Variants in STX5 observed in about 807,000 individuals in gnomAD.
STX5 encodes the protein syntaxin 5.
A neutral mutation model predicts 42.9 loss-of-function variants in STX5; 15 were observed. The observed-to-expected ratio is 0.35, with a 90% CI of 0.23 to 0.54. STX5 has a LOEUF of 0.54. Among genes scored for constraint, STX5 ranks in the 20% least tolerant of loss-of-function variants. The probability of loss-of-function intolerance (pLI) is 0.91; values close to 1 mark genes in which losing one functional copy is unlikely to be tolerated. For synonymous variants in STX5, 184 were observed against 173.2 expected, an observed-to-expected ratio of 1.06 and a Z score of -0.49; for missense variants, 430 against 455.0, an observed-to-expected ratio of 0.95 and a Z score of 0.50.
intron 10 of STX5, among the ~76,000 whole-genome samples, chr11:62,811,337 A>G (rs1282369859): frequency 2.6e-5 from 4 of 152,118 alleles, no homozygotes; most frequent in Non-Finnish European, 5.9e-5. Context: ...GCACACCCAG[A>G]ACAAACCTAA....
At chr11:62,809,941 A>T (rs1348344827) in intron 10 of STX5, among the ~76,000 whole-genome samples, 1 of 151,062 alleles carries the variant, frequency 6.6e-6, no homozygotes, top group African/African-American at 2.4e-5. Context: ...GTCTCTACTA[A>T]AAATACAAAA....
At chr11:62,810,222 G>A (rs1478272213) in intron 10 of STX5, among the ~76,000 whole-genome samples, 2 of 152,064 alleles carry the variant, frequency 1.3e-5, no homozygotes, top group African/African-American at 2.4e-5. Context: ...TGGCTGGATT[G>A]CTTGAGTTCA....
Position 62,825,025 on chromosome 11 carries a change from C to T in STX5, c.679+11G>A, listed in dbSNP as rs1421202706. 6.2e-7 allele frequency: 1 copy of T among 1,613,754 alleles called. No homozygotes were observed. The highest frequency in any genetic ancestry group is 1.1e-5 in the South Asian group (1 of 91,082). On this transcript the variant is annotated intron_variant, in intron 8 of 10. Coordinates refer to ENST00000294179, the MANE Select transcript of STX5 (RefSeq NM_003164.5). Reference sequence around the variant, plus strand: ...TACCTCCCAGGGCTCCCCGTTTTACCTGTGACTTACCCAGGTGGTTAGGGG... The same window carrying T: ...TACCTCCCAGGGCTCCCCGTTTTACTTGTGACTTACCCAGGTGGTTAGGGG...
chr11:62,819,962 C>CA (rs1383687566), intron 10 of STX5, among the ~76,000 whole-genome samples: 1 of 151,746 alleles, frequency 6.6e-6, no homozygotes, highest in Non-Finnish European at 1.5e-5. Flanking sequence ...CTCAACCTCC[C>CA]AAAGTGTTAG....
At chr11:62,817,569 A>C (rs1235545566) in intron 10 of STX5, among the ~76,000 whole-genome samples, 5 of 152,232 alleles carry the variant, frequency 3.3e-5, no homozygotes, top group Non-Finnish European at 7.3e-5. Context: ...ATATACAATG[A>C]AACAGGGAAC....
Position 62,823,733 on chromosome 11 carries a change from G to A in STX5, c.908+433C>T, listed in dbSNP as rs565503698. 1.1e-4 allele frequency among the ~76,000 whole-genome samples: 16 copies of A among 152,146 alleles called. No individual in the cohort carries two copies. The East Asian group carries it at 3.1e-3, about 29-fold the overall frequency. Reference sequence around the variant, plus strand: ...GCTAGTTTTTGTATTTTTTTGTAGAGACAGGGTCTTGCTTTGTTGCCCAAA... The same window carrying A: ...GCTAGTTTTTGTATTTTTTTGTAGAAACAGGGTCTTGCTTTGTTGCCCAAA... On this transcript the variant is annotated intron_variant, in intron 10 of 10. Coordinates refer to ENST00000294179, the MANE Select transcript of STX5 (RefSeq NM_003164.5).
rs775803751 is a variant in STX5, at chr11:62,831,119, G to T, written c.125C>A (p.Pro42His). 1.3e-6 allele frequency: 2 copies of T among 1,554,802 alleles called. No individual in the cohort carries two copies. The highest frequency in any genetic ancestry group is 1.7e-6 in the Non-Finnish European group (2 of 1,149,246). ...GGGAGGGACGAGGGTCACTGGGGGG[G>T]GCAGAGGGGCGATGTCGCTGCTGCT... Reference protein sequence around the residue: ...GSSSSDIAPLPPPVTLVPPPP... With the variant: ...GSSSSDIAPLHPPVTLVPPPP... The change falls in exon 2 of 11, where the codon CCC (proline) becomes CAC (histidine). Residue 42 changes from proline to histidine, a missense_variant. Pro to His is a moderately conservative substitution (Grantham distance 77). Transcript: ENST00000294179.
At chr11:62,826,501 G>A (rs1216835060) in intron 5 of STX5, among the ~76,000 whole-genome samples, 1 of 152,112 alleles carries the variant, frequency 6.6e-6, no homozygotes, top group African/African-American at 2.4e-5. Context: ...AGGTTGCAGT[G>A]AGCTGAGATC....
intron 10 of STX5, among the ~76,000 whole-genome samples, chr11:62,821,691 G>C (rs1156488007): frequency 6.7e-6 from 1 of 150,334 alleles, no homozygotes; most frequent in Non-Finnish European, 1.5e-5. Context: ...ACTCCAGCCT[G>C]GACAACAGTG....
chr11:62,827,369 A>C lies in STX5; in HGVS notation c.326T>G (p.Phe109Cys), dbSNP rs764228671. 2.5e-6 allele frequency: 4 copies of C among 1,614,210 alleles called. No individual in the cohort carries two copies. In the South Asian group the frequency reaches 4.4e-5, roughly 18 times the overall value. Reference protein sequence around the residue: ...KRIGKDLSNTFAKLEKLTILA... With the variant: ...KRIGKDLSNTCAKLEKLTILA... ...GATTGTCAGCTTCTCCAGCTTGGCA[A>C]ATGTGTTGCTAAGGTCTTTCCCAAT... The change falls in exon 4 of 11, where the codon TTT (phenylalanine) becomes TGT (cysteine). Residue 109 changes from phenylalanine (F) to cysteine (C), a missense_variant. Coordinates refer to ENST00000294179, the MANE Select transcript of STX5 (RefSeq NM_003164.5).
chr11:62,823,923 A>G, intron 10 of STX5: 1 of 534,648 alleles, frequency 1.9e-6, no homozygotes, highest in Non-Finnish European at 3.4e-6. Context: ...GCTACAAAGC[A>G]GCTCCAGACA....
chr11:62,819,581 A>C (rs867203444), intron 10 of STX5, among the ~76,000 whole-genome samples: 1 of 151,740 alleles, frequency 6.6e-6, no homozygotes, highest in African/African-American at 2.4e-5. Context: ...GCAGTGGCCC[A>C]ATCTCTGCTC....
chr11:62,824,903 C>T, intron 8 of STX5, 133 bp downstream of exon 8: 1 of 841,752 alleles, frequency 1.2e-6, no homozygotes, highest in Admixed American at 2.4e-5. Context: ...TCTGGTTTGG[C>T]CTCTGAGAGA....
intron 5 of STX5, 120 bp downstream of exon 5, chr11:62,827,035 G>A (rs2084803870): frequency 2.3e-6 from 2 of 853,086 alleles, no homozygotes; most frequent in Admixed American, 2.3e-5. Context: ...GGTCAACACA[G>A]TGAGACCCCC....
chr11:62,824,517 A>G lies in STX5; in HGVS notation c.728T>C (p.Val243Ala), dbSNP rs1565213738. 1 of 1,614,164 alleles carries G rather than the reference A, an allele frequency of 6.2e-7. No homozygotes were observed. Among genetic ancestry groups the G allele is most frequent in the East Asian group, 2.2e-5 (1 of 44,878 alleles). Residue 243 changes from valine (V) to alanine (A), a missense_variant, in exon 9 of 11, where the codon GTC (valine) becomes GCC (alanine). Coordinates refer to ENST00000294179, the MANE Select transcript of STX5 (RefSeq NM_003164.5). Reference protein sequence around the residue: ...LGAESHASKDVAIDMMDSRTS... With the variant: ...LGAESHASKDAAIDMMDSRTS... ...CCGAGAGTCCATCATGTCGATGGCGACATCCTTGGAGGCATGGGACTCTGC... is the reference window on the plus strand; with the variant it reads ...CCGAGAGTCCATCATGTCGATGGCGGCATCCTTGGAGGCATGGGACTCTGC...
chr11:62,807,363 AG>A lies in STX5; in HGVS notation c.*105del, dbSNP rs1276163823. On this transcript the variant is annotated 3_prime_UTR_variant, in exon 11 of 11. Coordinates refer to ENST00000294179, the MANE Select transcript of STX5 (RefSeq NM_003164.5). ...TCATTCTTAGCAGTTCCAGGGAAAC[AG>A]GGCCTTTCTCCCAAGTACCCTGCAC... 2 of 1,476,036 alleles carry A rather than the reference AG, an allele frequency of 1.4e-6. No individual in the cohort carries two copies. Among genetic ancestry groups the A allele is most frequent in the Non-Finnish European group, 9.0e-7 (1 of 1,107,726 alleles). The allele number at this position is 1,476,036 out of a possible 1,614,324, so 91.4% of individuals were successfully genotyped here. A position where few individuals can be genotyped will look rare whatever the true frequency, so the allele number is the denominator to read the frequency against.
chr11:62,820,327 C>T lies in STX5; in HGVS notation c.908+3839G>A, dbSNP rs1164942109. ...GAGCTTGCAGTGAGCCGAGATCACGCGACTGCACTCCAGCCTGGTAACACG... is the reference window on the plus strand; with the variant it reads ...GAGCTTGCAGTGAGCCGAGATCACGTGACTGCACTCCAGCCTGGTAACACG... On this transcript the variant is annotated intron_variant, in intron 10 of 10. Transcript: ENST00000294179. Among the ~76,000 whole-genome samples, 5 of 148,786 alleles carry T rather than the reference C, an allele frequency of 3.4e-5. No individual in the cohort carries two copies. In the South Asian group the frequency reaches 8.5e-4, roughly 25 times the overall value.
At chr11:62,808,666 C>T (rs183226929) in intron 10 of STX5, among the ~76,000 whole-genome samples, 3 of 152,040 alleles carry the variant, frequency 2.0e-5, no homozygotes, top group Non-Finnish European at 4.4e-5. Context: ...ATGGGACTTG[C>T]GGATGCATGG....
chr11:62,809,673 C>CCAA (rs2084594374), intron 10 of STX5, among the ~76,000 whole-genome samples: 1 of 19,178 alleles, frequency 5.2e-5, no homozygotes, highest in Non-Finnish European at 1.1e-4. Context: ...GACTCTGTCT[C>CCAA]AAAAAAAAAA....
Sources: allele counts gnomAD v4.1 joint callset (sites outside exome capture counted in the v4.1 genomes callset), GRCh38; gene constraint gnomAD v4.1.1; transcripts MANE v1.5; gene names NCBI Gene and HGNC (gene_info 2026-07-23, HGNC 2026-07-21).